DPY19L2: variants seen among roughly 807,000 people sequenced by gnomAD.
The protein encoded by DPY19L2 is dpy-19 like 2.
Under a neutral mutation model 97.9 loss-of-function variants are expected in DPY19L2, and 34 were observed. That is an observed-to-expected ratio of 0.35 (90% CI 0.26 to 0.46). DPY19L2 has a LOEUF of 0.46. Among genes scored for constraint, DPY19L2 ranks in the 20% least tolerant of loss-of-function variants. The pLI is 1.00. For synonymous variants in DPY19L2, 230 were observed against 307.9 expected, an observed-to-expected ratio of 0.75 and a Z score of 2.65; for missense variants, 623 against 911.4, an observed-to-expected ratio of 0.68 and a Z score of 4.07.
rs548438945 is a variant in DPY19L2 at position 63,615,288 on chromosome 12, T to C, written c.1218+2016A>G. ...TTGCAAATAAAGAGGTAAATCAACA[T>C]TTACTTTACTTCTCCTAAATGAACT... On this transcript the variant is annotated intron_variant, in intron 11 of 21. Transcript: ENST00000324472. 1.1e-3 allele frequency among the ~76,000 whole-genome samples: 165 copies of C among 152,258 alleles called. 1 individual carries two copies. The Middle Eastern group carries it at 0.014, about 13-fold the overall frequency.
chr12:63,599,413 C>T (rs1409845850), intron 13 of DPY19L2, among the ~76,000 whole-genome samples: 1 of 152,004 alleles, frequency 6.6e-6, no homozygotes, highest in Non-Finnish European at 1.5e-5. Context: ...TAATAAACCA[C>T]CATGCAAAAC....
At chr12:63,662,923 G>T (rs1895872060) in intron 3 of DPY19L2, among the ~76,000 whole-genome samples, 1 of 152,152 alleles carries the variant, frequency 6.6e-6, no homozygotes, top group South Asian at 2.1e-4. Flanking sequence ...AGCTGGGTGT[G>T]ATTAGTGTTT....
At chr12:63,564,590 T>C (rs1326091916) in intron 21 of DPY19L2, among the ~76,000 whole-genome samples, 1 of 152,188 alleles carries the variant, frequency 6.6e-6, no homozygotes, top group Non-Finnish European at 1.5e-5. Flanking sequence ...TAGTCAGAGA[T>C]TGTATTTTAC....
intron 4 of DPY19L2, among the ~76,000 whole-genome samples, chr12:63,649,389 G>A (rs574328155): frequency 6.6e-6 from 1 of 151,982 alleles, no homozygotes; most frequent in Non-Finnish European, 1.5e-5. Flanking sequence ...AAAACCACAA[G>A]TTGGTTCTTT....
At chr12:63,662,595 GT>G (rs1895822441) in intron 3 of DPY19L2, among the ~76,000 whole-genome samples, 1 of 151,870 alleles carries the variant, frequency 6.6e-6, no homozygotes, top group Non-Finnish European at 1.5e-5. Flanking sequence ...CCCCTCTAAG[GT>G]TGGCATTATT....
chr12:63,601,386 T>C (rs1321596533), intron 12 of DPY19L2, among the ~76,000 whole-genome samples: 2 of 152,196 alleles, frequency 1.3e-5, no homozygotes, highest in African/African-American at 2.4e-5. Flanking sequence ...AAGGGAAGAA[T>C]TGTGTACTTC....
intron 13 of DPY19L2, among the ~76,000 whole-genome samples, chr12:63,599,685 A>G (rs1187003267): frequency 6.6e-6 from 1 of 152,126 alleles, no homozygotes; most frequent in Non-Finnish European, 1.5e-5. Flanking sequence ...AGATTCATGC[A>G]TTGTTTTCTA....
intron 6 of DPY19L2, among the ~76,000 whole-genome samples, chr12:63,630,754 C>T (rs955724831): frequency 2.6e-5 from 4 of 152,228 alleles, no homozygotes; most frequent in African/African-American, 4.8e-5. Flanking sequence ...CCCAAATCAA[C>T]AGAATATACA....
chr12:63,666,510 G>A, intron 1 of DPY19L2: 1 of 445,616 alleles, frequency 2.2e-6, no homozygotes, highest in Non-Finnish European at 4.5e-6. Context: ...TTTTACAGGA[G>A]CTGCAAACGC....
At chr12:63,627,283 A>T (rs1565792532) in intron 6 of DPY19L2, among the ~76,000 whole-genome samples, 2 of 152,206 alleles carry the variant, frequency 1.3e-5, no homozygotes. Flanking sequence ...CCAGAGAAGC[A>T]ATAATGCAGA....
At chr12:63,625,591 G>A (rs1459315743) in intron 7 of DPY19L2, among the ~76,000 whole-genome samples, 1 of 152,084 alleles carries the variant, frequency 6.6e-6, no homozygotes, top group Non-Finnish European at 1.5e-5. Context: ...GCTTCTATGA[G>A]CTCTTTTTTA....
chr12:63,630,172 A>C (rs1348107137), intron 6 of DPY19L2, among the ~76,000 whole-genome samples: 2 of 152,172 alleles, frequency 1.3e-5, no homozygotes, highest in Non-Finnish European at 2.9e-5. Flanking sequence ...CGAGCAAAAT[A>C]ACCAGCTAAC....
intron 16 of DPY19L2, among the ~76,000 whole-genome samples, chr12:63,585,009 C>T (rs1236997894): frequency 5.3e-5 from 8 of 152,060 alleles, no homozygotes; most frequent in Admixed American, 2.0e-4. Flanking sequence ...GGGTGGAAGA[C>T]GTGAACAGAA....
intron 10 of DPY19L2, among the ~76,000 whole-genome samples, chr12:63,617,828 C>CA (rs1888087218): frequency 6.6e-6 from 1 of 151,912 alleles, no homozygotes; most frequent in Non-Finnish European, 1.5e-5. Context: ...TATAAAATTT[C>CA]AGTTAGAGTG....
chr12:63,602,546 A>G (rs1329348255), intron 12 of DPY19L2, among the ~76,000 whole-genome samples: 1 of 152,160 alleles, frequency 6.6e-6, no homozygotes, highest in Non-Finnish European at 1.5e-5. Flanking sequence ...GCATTTGGAA[A>G]GGATCCAGGG....
intron 4 of DPY19L2, among the ~76,000 whole-genome samples, chr12:63,652,104 T>C (rs1360091765): frequency 6.6e-6 from 1 of 151,256 alleles, no homozygotes; most frequent in African/African-American, 2.4e-5. Context: ...TTTTAAAACA[T>C]GAAAAAAAAA....
At chr12:63,656,874 A>G (rs1895040810) in intron 4 of DPY19L2, among the ~76,000 whole-genome samples, 1 of 145,574 alleles carries the variant, frequency 6.9e-6, no homozygotes, top group Admixed American at 6.9e-5. Flanking sequence ...TTTCCCTTTG[A>G]TTCTTATAGT....
chr12:63,625,595 T>G (rs1889398031), intron 7 of DPY19L2, among the ~76,000 whole-genome samples: 1 of 152,144 alleles, frequency 6.6e-6, no homozygotes, highest in Non-Finnish European at 1.5e-5. Context: ...CTATGAGCTC[T>G]TTTTTAGGTG....
At chr12:63,567,911 T>C (rs1191809408) in intron 21 of DPY19L2, among the ~76,000 whole-genome samples, 1 of 152,024 alleles carries the variant, frequency 6.6e-6, no homozygotes, top group Admixed American at 6.5e-5. Flanking sequence ...TTTTCAAGAT[T>C]TTCTCTTAAT....
Sources: allele counts gnomAD v4.1 joint callset (sites outside exome capture counted in the v4.1 genomes callset), GRCh38; gene constraint gnomAD v4.1.1; transcripts MANE v1.5; gene names NCBI Gene and HGNC (gene_info 2026-07-23, HGNC 2026-07-21).